The following KLRG1 variants were observed in gnomAD, a reference collection of about 807,000 sequenced individuals.
KLRG1 encodes the protein killer cell lectin-like receptor subfamily G member 1.
In KLRG1, 16 loss-of-function variants were observed where a neutral mutation model predicts 21.8. The ratio of observed to expected loss-of-function variants is 0.73; its 90% CI spans 0.50 to 1.11. The LOEUF is 1.11. KLRG1 is among the 50% of genes most tolerant of loss of function. KLRG1 has a pLI of 0.00. For synonymous variants in KLRG1, 69 were observed against 75.9 expected, an observed-to-expected ratio of 0.91 and a Z score of 0.47; for missense variants, 173 against 218.3, an observed-to-expected ratio of 0.79 and a Z score of 1.31.
At chr12:9,032,132 A>G in the KLRG1 span, among the ~76,000 whole-genome samples, 1 of 152,240 alleles carries the variant, frequency 6.6e-6, no homozygotes, top group African/African-American at 2.4e-5. Flanking sequence ...CTCACCTATG[A>G]TTAATTGATT....
At chr12:9,160,506 G>C in the KLRG1 span, 5 of 1,603,756 alleles carry the variant, frequency 3.1e-6, no homozygotes, top group East Asian at 2.2e-5. Context: ...GAATGTGAAA[G>C]ATTAGATGTC....
rs142307481 is a variant in KLRG1 at position 9,002,569 on chromosome 12, T to TTTG, written c.358-6382_358-6380dup. ...CTCAGTTACCACCTTTACCTATACT[T>TTTG]TTGTTGTTGTTGTTGTTGTTGTTGT... On this transcript the variant is annotated intron_variant, in intron 3 of 4. Transcript: ENST00000356986. Among the ~76,000 whole-genome samples the TTTG allele has an allele frequency of 5.0e-4, 75 of 151,096 alleles. No individual in the cohort carries two copies. The East Asian group carries it at 5.9e-3, about 12-fold the overall frequency.
intron 1 of KLRG1, among the ~76,000 whole-genome samples, chr12:8,954,122 C>T (rs1183090195): frequency 2.0e-5 from 3 of 152,032 alleles, no homozygotes; most frequent in Non-Finnish European, 4.4e-5. Context: ...CCGATTTTAT[C>T]TTGTAGCATT....
chr12:9,044,118 T>C, the KLRG1 span, among the ~76,000 whole-genome samples: 1 of 152,212 alleles, frequency 6.6e-6, no homozygotes, highest in African/African-American at 2.4e-5. Flanking sequence ...GGTGGTTTTT[T>C]ATACAGTAAC....
chr12:9,018,445 C>T, the KLRG1 span, among the ~76,000 whole-genome samples: 1 of 152,058 alleles, frequency 6.6e-6, no homozygotes, highest in Non-Finnish European at 1.5e-5. Flanking sequence ...ACCAATGGAA[C>T]AGAATAGAGA....
chr12:9,214,918 G>A, the KLRG1 span, among the ~76,000 whole-genome samples: 3 of 151,846 alleles, frequency 2.0e-5, no homozygotes, highest in African/African-American at 7.3e-5. Flanking sequence ...AAATTTTTAA[G>A]TCAGTTTTAA....
chr12:9,213,978 G>A, the KLRG1 span, among the ~76,000 whole-genome samples: 5 of 152,086 alleles, frequency 3.3e-5, no homozygotes, highest in East Asian at 9.6e-4. Context: ...ATTTGGGTTT[G>A]TAATCGATTT....
the KLRG1 span, among the ~76,000 whole-genome samples, chr12:9,204,710 C>G: frequency 6.6e-6 from 1 of 152,108 alleles, no homozygotes; most frequent in Non-Finnish European, 1.5e-5. Context: ...AGGCAATTAA[C>G]ATTAATAATT....
At chr12:9,191,885 A>AT in the KLRG1 span, among the ~76,000 whole-genome samples, 57 of 152,190 alleles carry the variant, frequency 3.7e-4, no homozygotes, top group African/African-American at 1.3e-3. Context: ...TGTACACTTT[A>AT]TTGGGGGTGG....
the KLRG1 span, chr12:9,079,781 T>C: frequency 1.2e-6 from 2 of 1,612,224 alleles, no homozygotes; most frequent in Non-Finnish European, 1.7e-6. Context: ...GGAGAAGATT[T>C]TGTGTGTTTT....
the KLRG1 span, chr12:9,074,731 A>G: frequency 1.2e-6 from 2 of 1,613,964 alleles, no homozygotes; most frequent in South Asian, 2.2e-5. Context: ...GTTCGTAAAA[A>G]TGCCCCACTG....
At chr12:9,152,703 T>C in the KLRG1 span, 1 of 1,039,970 alleles carries the variant, frequency 9.6e-7, no homozygotes, top group East Asian at 2.7e-5. Flanking sequence ...AATTCATTTA[T>C]AGATATATCA....
chr12:9,072,255 A>C, the KLRG1 span: 3 of 1,328,652 alleles, frequency 2.3e-6, no homozygotes, highest in Non-Finnish European at 2.1e-6. Flanking sequence ...TTTTTTGTGA[A>C]TAGTGCAAAT....
the KLRG1 span, chr12:9,203,680 A>G: frequency 6.8e-7 from 1 of 1,464,612 alleles, no homozygotes; most frequent in Admixed American, 1.8e-5. Context: ...ATACCTTGGG[A>G]TCGCACACCA....
the KLRG1 span, among the ~76,000 whole-genome samples, chr12:9,062,721 T>C: frequency 6.8e-6 from 1 of 147,996 alleles, no homozygotes; most frequent in Non-Finnish European, 1.5e-5. Flanking sequence ...TTATTATATT[T>C]TATATTATAG....
the KLRG1 span, among the ~76,000 whole-genome samples, chr12:9,093,846 T>C: frequency 1.1e-4 from 17 of 148,378 alleles, no homozygotes; most frequent in Non-Finnish European, 1.0e-4. Context: ...ACGGCGCCAC[T>C]GCACTCCAGC....
At chr12:9,023,134 A>G in the KLRG1 span, among the ~76,000 whole-genome samples, 1 of 152,224 alleles carries the variant, frequency 6.6e-6, no homozygotes, top group Non-Finnish European at 1.5e-5. Flanking sequence ...AACTCAGGCC[A>G]CATCCTGTGC....
At chr12:9,077,524 A>T in the KLRG1 span, 2 of 1,463,254 alleles carry the variant, frequency 1.4e-6, no homozygotes, top group Non-Finnish European at 1.9e-6. Flanking sequence ...ACCCATATCC[A>T]TCCCTATAGG....
the KLRG1 span, among the ~76,000 whole-genome samples, chr12:9,142,423 G>T: frequency 6.6e-6 from 1 of 152,164 alleles, no homozygotes; most frequent in Non-Finnish European, 1.5e-5. Context: ...GTATGAAATT[G>T]CTTGATTAAT....
Sources: gnomAD v4.1 joint callset for allele counts (sites outside exome capture counted in the v4.1 genomes callset) on GRCh38, gnomAD v4.1.1 for gene constraint, MANE v1.5 for transcripts, NCBI Gene and HGNC (gene_info 2026-07-23, HGNC 2026-07-21) for gene names.